IPCEF1: variants seen among roughly 807,000 people sequenced by gnomAD.
The protein encoded by IPCEF1 is interaction protein for cytohesin exchange factors 1, also known as interactor protein for cytohesin exchange factors 1.
A neutral mutation model predicts 50.9 loss-of-function variants in IPCEF1; 31 were observed. The observed-to-expected ratio is 0.61, with a 90% CI of 0.46 to 0.82. IPCEF1 has a LOEUF of 0.82. Ranked by LOEUF, IPCEF1 falls within the 40% of genes least tolerant of loss-of-function variation. The pLI, the probability that IPCEF1 is intolerant of heterozygous loss-of-function variation, is 0.00. For synonymous variants in IPCEF1, 181 were observed against 192.0 expected, an observed-to-expected ratio of 0.94 and a Z score of 0.47; for missense variants, 458 against 514.0, an observed-to-expected ratio of 0.89 and a Z score of 1.05.
intron 9 of IPCEF1, among the ~76,000 whole-genome samples, chr6:154,202,918 A>G (rs1050318229): frequency 6.6e-6 from 1 of 152,228 alleles, no homozygotes; most frequent in African/African-American, 2.4e-5. Flanking sequence ...GAAAATGAGA[A>G]AGTGACTACA....
intron 2 of IPCEF1, among the ~76,000 whole-genome samples, chr6:154,275,531 C>T (rs936403472): frequency 1.3e-5 from 2 of 152,142 alleles, no homozygotes; most frequent in African/African-American, 4.8e-5. Flanking sequence ...CAAGCGATGG[C>T]CCTTACTTTT....
intron 2 of IPCEF1, among the ~76,000 whole-genome samples, chr6:154,287,669 C>T (rs933987766): frequency 2.0e-5 from 3 of 152,104 alleles, no homozygotes; most frequent in Non-Finnish European, 2.9e-5. Context: ...TAAAGTTCAT[C>T]GAATTCAGTC....
chr6:154,353,112 C>T (rs565284320), intron 1 of IPCEF1, among the ~76,000 whole-genome samples: 1 of 152,250 alleles, frequency 6.6e-6, no homozygotes, highest in South Asian at 2.1e-4. Flanking sequence ...CTGCACCAGC[C>T]TTACTCTCAA....
chr6:154,166,841 T>C (rs1022575707), intron 11 of IPCEF1, among the ~76,000 whole-genome samples: 1 of 152,230 alleles, frequency 6.6e-6, no homozygotes, highest in Non-Finnish European at 1.5e-5. Context: ...TTCATCAGCT[T>C]CGTACATACT....
chr6:154,315,278 T>C (rs1249888928), intron 1 of IPCEF1, among the ~76,000 whole-genome samples: 1 of 152,200 alleles, frequency 6.6e-6, no homozygotes, highest in Non-Finnish European at 1.5e-5. Context: ...CTCATGTACC[T>C]AAGCACTTAA....
At chr6:154,280,470 T>C (rs150064082) in intron 2 of IPCEF1, among the ~76,000 whole-genome samples, 39 of 152,210 alleles carry the variant, frequency 2.6e-4, no homozygotes, top group Non-Finnish European at 4.6e-4. Context: ...AATAAATAAA[T>C]TGTGGTACAG....
At chr6:154,220,915 G>A (rs1778815050) in intron 7 of IPCEF1, among the ~76,000 whole-genome samples, 1 of 152,266 alleles carries the variant, frequency 6.6e-6, no homozygotes, top group East Asian at 1.9e-4. Flanking sequence ...TATTTTGCAT[G>A]TAGAATTCCG....
chr6:154,249,449 T>A (rs1019096739), intron 3 of IPCEF1, among the ~76,000 whole-genome samples: 2 of 152,174 alleles, frequency 1.3e-5, no homozygotes, highest in African/African-American at 4.8e-5. Flanking sequence ...TTGGGAAATC[T>A]GGGGTCCAGG....
intron 2 of IPCEF1, among the ~76,000 whole-genome samples, chr6:154,267,823 C>A (rs899608331): frequency 6.6e-6 from 1 of 152,154 alleles, no homozygotes; most frequent in African/African-American, 2.4e-5. Flanking sequence ...AGGTGGTAGT[C>A]CCAATGTCTC....
At chr6:154,181,189 A>C (rs2128568623) in intron 10 of IPCEF1, among the ~76,000 whole-genome samples, 1 of 152,296 alleles carries the variant, frequency 6.6e-6, no homozygotes, top group Non-Finnish European at 1.5e-5. Context: ...AATTAAGAAA[A>C]AAATCTGGAT....
At chr6:154,335,295 G>T (rs530356595) in intron 1 of IPCEF1, among the ~76,000 whole-genome samples, 1 of 152,068 alleles carries the variant, frequency 6.6e-6, no homozygotes, top group Admixed American at 6.5e-5. Flanking sequence ...TCTTCTCTGT[G>T]CCCCATCTTG....
At chr6:154,271,867 G>A (rs1463154750) in intron 2 of IPCEF1, among the ~76,000 whole-genome samples, 1 of 152,264 alleles carries the variant, frequency 6.6e-6, no homozygotes, top group East Asian at 1.9e-4. Context: ...TGCACCTGTA[G>A]CCCCAGCTAC....
chr6:154,194,088 C>T (rs953536973), intron 10 of IPCEF1, among the ~76,000 whole-genome samples: 2 of 152,124 alleles, frequency 1.3e-5, no homozygotes, highest in African/African-American at 2.4e-5. Context: ...TGTTAATACC[C>T]GCTCCTCAAC....
chr6:154,209,007 T>C (rs967349871), intron 9 of IPCEF1, among the ~76,000 whole-genome samples: 4 of 152,220 alleles, frequency 2.6e-5, no homozygotes, highest in African/African-American at 9.6e-5. Flanking sequence ...AAAAACCTCT[T>C]CTTCACTGAA....
intron 7 of IPCEF1, among the ~76,000 whole-genome samples, chr6:154,217,959 C>A (rs1778546684): frequency 6.6e-6 from 1 of 152,162 alleles, no homozygotes; most frequent in African/African-American, 2.4e-5. Context: ...CAGCCCTTAC[C>A]CAAAACTTGT....
At chr6:154,294,506 G>T (rs1782590117) in intron 1 of IPCEF1, among the ~76,000 whole-genome samples, 1 of 152,086 alleles carries the variant, frequency 6.6e-6, no homozygotes, top group Non-Finnish European at 1.5e-5. Context: ...AGTATAAAGG[G>T]GTTTCCCGAG....
chr6:154,347,159 G>C (rs1784046427), intron 1 of IPCEF1, among the ~76,000 whole-genome samples: 1 of 152,042 alleles, frequency 6.6e-6, no homozygotes, highest in African/African-American at 2.4e-5. Flanking sequence ...CTCAGCTCCA[G>C]GAATGGAAAG....
chr6:154,165,014 CA>C (rs1283257661), intron 11 of IPCEF1, among the ~76,000 whole-genome samples: 5 of 152,284 alleles, frequency 3.3e-5, no homozygotes, highest in Non-Finnish European at 7.4e-5. Flanking sequence ...GCACCTGCGG[CA>C]AATATAAACA....
At chr6:154,346,536 A>G (rs986985361) in intron 1 of IPCEF1, among the ~76,000 whole-genome samples, 2 of 152,200 alleles carry the variant, frequency 1.3e-5, no homozygotes, top group African/African-American at 4.8e-5. Flanking sequence ...GTATTAGTCC[A>G]TTCTTATGCT....
Sources: gnomAD v4.1 joint callset for allele counts (sites outside exome capture counted in the v4.1 genomes callset) on GRCh38, gnomAD v4.1.1 for gene constraint, MANE v1.5 for transcripts, NCBI Gene and HGNC (gene_info 2026-07-23, HGNC 2026-07-21) for gene names.